OTOGL: variants seen among roughly 807,000 people sequenced by gnomAD.
OTOGL encodes otogelin like, also known as otogelin-like protein.
OTOGL carries 285 observed loss-of-function variants against 318.5 expected under a neutral mutation model. The ratio of observed to expected loss-of-function variants is 0.89; its 90% CI spans 0.81 to 0.99. The LOEUF (loss-of-function observed/expected upper bound fraction) is 0.99, where lower values mean the gene tolerates loss of function less well. Ranked by LOEUF, OTOGL falls within the 50% of genes least tolerant of loss-of-function variation. The pLI is 0.00. For missense variants in OTOGL, 2,899 were observed against 2,845.6 expected (o/e 1.02, Z -0.43); for synonymous variants, 987 against 936.5 (o/e 1.05, Z -0.99).
intron 1 of OTOGL, among the ~76,000 whole-genome samples, chr12:80,178,331 G>A (rs1874681494): frequency 6.6e-6 from 1 of 151,848 alleles, no homozygotes; most frequent in South Asian, 2.1e-4. Context: ...AAAGTGCTGG[G>A]ATTACAGGCA....
chr12:80,239,520 T>C (rs1012575916), intron 11 of OTOGL, 81 bp downstream of exon 11: 20 of 963,998 alleles, frequency 2.1e-5, no homozygotes, highest in Non-Finnish European at 2.9e-5. Flanking sequence ...TACTTAACCA[T>C]TTCAGCTGTT....
intron 27 of OTOGL, among the ~76,000 whole-genome samples, chr12:80,298,550 C>A (rs1356210935): frequency 6.6e-6 from 1 of 152,126 alleles, no homozygotes; most frequent in Non-Finnish European, 1.5e-5. Context: ...GCTCAGAAGA[C>A]ATGCTCTGGA....
At chr12:80,319,871 G>A (rs930462776) in intron 33 of OTOGL, among the ~76,000 whole-genome samples, 3 of 152,106 alleles carry the variant, frequency 2.0e-5, no homozygotes, top group African/African-American at 2.4e-5. Flanking sequence ...TTGGGAAATG[G>A]ACAATAATGT....
chr12:80,328,879 A>T, intron 36 of OTOGL, 135 bp downstream of exon 36: 1 of 1,048,958 alleles, frequency 9.5e-7, no homozygotes, highest in Admixed American at 2.6e-5. Flanking sequence ...TGTCTCTTAC[A>T]TAGCTTTTTT....
chr12:80,129,816 C>G (rs923787039), intron 1 of OTOGL, among the ~76,000 whole-genome samples: 1 of 152,060 alleles, frequency 6.6e-6, no homozygotes, highest in South Asian at 2.1e-4. Flanking sequence ...TTTTTGACCT[C>G]TTTATAGCAT....
intron 8 of OTOGL, among the ~76,000 whole-genome samples, chr12:80,230,067 A>G (rs1269584835): frequency 1.3e-5 from 2 of 151,702 alleles, no homozygotes; most frequent in Non-Finnish European, 2.9e-5. Context: ...TTATAGAGAG[A>G]CTCAGTTTTT....
intron 33 of OTOGL, among the ~76,000 whole-genome samples, chr12:80,319,748 A>G (rs1177618494): frequency 6.6e-6 from 1 of 152,202 alleles, no homozygotes; most frequent in Non-Finnish European, 1.5e-5. Context: ...CTCAATTTAA[A>G]AACTTTTATT....
chr12:80,187,265 G>GC (rs1555274694), intron 1 of OTOGL, among the ~76,000 whole-genome samples: 2 of 142,990 alleles, frequency 1.4e-5, no homozygotes, highest in African/African-American at 2.5e-5. Context: ...GGTTGTTTTT[G>GC]TTTTTTTTTT....
chr12:80,113,252 T>C (rs531185619), intron 1 of OTOGL, among the ~76,000 whole-genome samples: 2 of 152,214 alleles, frequency 1.3e-5, no homozygotes, highest in Non-Finnish European at 2.9e-5. Context: ...TCTATCTCCT[T>C]CAGTTCTGCT....
chr12:80,142,091 CAAAG>C lies in OTOGL; in HGVS notation c.-20+42488_-20+42491del, dbSNP rs963500736. Among the ~76,000 whole-genome samples, 11 of 151,738 alleles carry C rather than the reference CAAAG, an allele frequency of 7.2e-5. 1 individual carries two copies. Among genetic ancestry groups the C allele is most frequent in the East Asian group, 1.9e-4 (1 of 5,172 alleles). On this transcript the variant is annotated intron_variant, in intron 1 of 58. Transcript: ENST00000547103. Reference sequence around the variant, plus strand: ...GAACTTTTGAGTTTCTGAAAGAAGACAAAGAGAGAGGAGGAGAGAGACTCCTGTG... The same window carrying C: ...GAACTTTTGAGTTTCTGAAAGAAGACAGAGAGGAGGAGAGAGACTCCTGTG...
At chr12:80,326,086 C>T (rs1008836931) in intron 35 of OTOGL, among the ~76,000 whole-genome samples, 2 of 152,100 alleles carry the variant, frequency 1.3e-5, no homozygotes, top group Non-Finnish European at 2.9e-5. Context: ...GCCAAAGTGG[C>T]TAATTATTGC....
rs929102625 is a variant in OTOGL at position 80,362,914 on chromosome 12, A to G, written c.6268-3660A>G. ...AATAGCTAACTGAAGGAAGAATGAG[A>G]TATAAAAATCTATACAAATTGGTAT... On this transcript the variant is annotated intron_variant, in intron 52 of 58. Coordinates refer to ENST00000547103, the MANE Select transcript of OTOGL (RefSeq NM_001378609.3). Among the ~76,000 whole-genome samples, 7 of 152,140 alleles carry G rather than the reference A, an allele frequency of 4.6e-5. 1 individual carries two copies. Among genetic ancestry groups the G allele is most frequent in the African/African-American group, 7.2e-5 (3 of 41,434 alleles).
chr12:80,380,332 G>T lies in OTOGL; in HGVS notation c.*2284G>T, dbSNP rs894552278. On this transcript the variant is annotated 3_prime_UTR_variant, in exon 59 of 59. Coordinates refer to ENST00000547103, the MANE Select transcript of OTOGL (RefSeq NM_001378609.3). ...GCTTGGTAGAAAAAAGTCAAAAAAA[G>T]ATAAAAGCAAAGAAACAATATTTGT... The T allele has an allele frequency of 6.6e-6, 1 of 151,442 alleles. No homozygotes were observed. The highest frequency in any genetic ancestry group is 2.4e-5 in the African/African-American group (1 of 41,252). The allele number at this position is 151,442 out of a possible 1,614,324, so 9.4% of individuals were successfully genotyped here.
intron 21 of OTOGL, 51 bp downstream of exon 21, chr12:80,266,667 C>T (rs1882999772): frequency 1.3e-6 from 2 of 1,523,580 alleles, no homozygotes; most frequent in Admixed American, 1.8e-5. Flanking sequence ...TCTTTTTCTC[C>T]TTACGGGCTA....
intron 1 of OTOGL, among the ~76,000 whole-genome samples, chr12:80,119,108 C>T (rs1377261010): frequency 6.6e-6 from 1 of 152,134 alleles, no homozygotes; most frequent in Non-Finnish European, 1.5e-5. Context: ...AGAGAGGAAA[C>T]AGCATCAAGG....
At chr12:80,159,531 T>G (rs2137188974) in intron 1 of OTOGL, among the ~76,000 whole-genome samples, 1 of 152,120 alleles carries the variant, frequency 6.6e-6, no homozygotes, top group Non-Finnish European at 1.5e-5. Flanking sequence ...GTTCAAGGAA[T>G]ATACCTAACC....
chr12:80,347,967 T>A (rs1157181965), intron 44 of OTOGL, among the ~76,000 whole-genome samples: 1 of 152,178 alleles, frequency 6.6e-6, no homozygotes, highest in Admixed American at 6.5e-5. Flanking sequence ...TTGATGGGGT[T>A]GTTTGTTTTT....
intron 25 of OTOGL, among the ~76,000 whole-genome samples, chr12:80,278,818 T>C (rs1477072185): frequency 6.6e-6 from 1 of 151,466 alleles, no homozygotes; most frequent in Non-Finnish European, 1.5e-5. Context: ...CTAGGCTCGG[T>C]TTTGGTGTCT....
intron 4 of OTOGL, among the ~76,000 whole-genome samples, chr12:80,212,507 G>A (rs1030379064): frequency 6.6e-6 from 1 of 152,144 alleles, no homozygotes; most frequent in Non-Finnish European, 1.5e-5. Context: ...GAGGGGCAGC[G>A]TAGCACTGCA....
Sources: allele counts gnomAD v4.1 joint callset (sites outside exome capture counted in the v4.1 genomes callset), GRCh38; gene constraint gnomAD v4.1.1; transcripts MANE v1.5; gene names NCBI Gene and HGNC (gene_info 2026-07-23, HGNC 2026-07-21).